The following AGBL1 variants were observed in gnomAD, a reference collection of about 807,000 sequenced individuals.
The protein encoded by AGBL1 is AGBL carboxypeptidase 1, also known as cytosolic carboxypeptidase 4.
A neutral mutation model predicts 118.9 loss-of-function variants in AGBL1; 130 were observed. That is an observed-to-expected ratio of 1.09 (90% CI 0.95 to 1.26). The LOEUF is 1.26. Among genes scored for constraint, AGBL1 ranks in the 50% most tolerant of loss-of-function variants. AGBL1 has a pLI of 0.00. For missense variants in AGBL1, 1,584 were observed against 1,298.1 expected (o/e 1.22, Z -3.38); for synonymous variants, 555 against 478.9 (o/e 1.16, Z -2.08).
chr15:86,837,528 C>T (rs1057363184), intron 22 of AGBL1, among the ~76,000 whole-genome samples: 2 of 152,100 alleles, frequency 1.3e-5, no homozygotes, highest in African/African-American at 4.8e-5. Flanking sequence ...TGAGGAGCTG[C>T]GACAGAGATG....
At chr15:86,816,050 G>C (rs981822460) in intron 22 of AGBL1, among the ~76,000 whole-genome samples, 1 of 152,094 alleles carries the variant, frequency 6.6e-6, no homozygotes, top group Non-Finnish European at 1.5e-5. Context: ...TATGGGATAA[G>C]GACACAGTAA....
intron 5 of AGBL1, among the ~76,000 whole-genome samples, chr15:86,183,259 T>C (rs954099536): frequency 6.6e-6 from 1 of 152,212 alleles, no homozygotes; most frequent in Non-Finnish European, 1.5e-5. Flanking sequence ...TATGAGACTT[T>C]CTAAAGGGTA....
At chr15:86,179,979 T>A (rs2077530586) in intron 5 of AGBL1, among the ~76,000 whole-genome samples, 1 of 152,084 alleles carries the variant, frequency 6.6e-6, no homozygotes, top group Non-Finnish European at 1.5e-5. Context: ...AACTTAGGGA[T>A]AAATCTGCCA....
At chr15:86,886,612 G>A (rs996370471) in intron 22 of AGBL1, among the ~76,000 whole-genome samples, 4 of 152,126 alleles carry the variant, frequency 2.6e-5, no homozygotes, top group Non-Finnish European at 4.4e-5. Context: ...GGGACCATAC[G>A]GTGAATAAAT....
intron 18 of AGBL1, among the ~76,000 whole-genome samples, chr15:86,491,270 C>G (rs181257110): frequency 3.3e-5 from 5 of 151,888 alleles, no homozygotes; most frequent in African/African-American, 1.2e-4. Context: ...CAAGGGTGTG[C>G]GAAACAGCAT....
intron 22 of AGBL1, among the ~76,000 whole-genome samples, chr15:86,844,190 A>G (rs1226358139): frequency 6.6e-6 from 1 of 152,202 alleles, no homozygotes. Flanking sequence ...TGCTGCCGTG[A>G]ACACTCACAT....
intron 22 of AGBL1, among the ~76,000 whole-genome samples, chr15:86,803,253 G>A (rs969501090): frequency 2.0e-5 from 3 of 152,112 alleles, no homozygotes; most frequent in African/African-American, 4.8e-5. Flanking sequence ...TGTGATAGGA[G>A]TGAGTTCTCA....
chr15:86,494,360 T>G (rs1183063285), intron 18 of AGBL1, among the ~76,000 whole-genome samples: 1 of 152,090 alleles, frequency 6.6e-6, no homozygotes, highest in Middle Eastern at 3.2e-3. Flanking sequence ...AAGATTTTTC[T>G]TATAAAGTGT....
intron 5 of AGBL1, among the ~76,000 whole-genome samples, chr15:86,208,507 G>A (rs952160143): frequency 2.0e-5 from 3 of 152,124 alleles, no homozygotes; most frequent in African/African-American, 7.2e-5. Context: ...GCCTGTTATT[G>A]GTCTATTCAG....
intron 3 of AGBL1, among the ~76,000 whole-genome samples, chr15:86,151,610 C>A (rs145827945): frequency 5.9e-5 from 9 of 152,206 alleles, no homozygotes; most frequent in African/African-American, 1.7e-4. Context: ...CTTTGAAAAC[C>A]AGCACAAGAC....
intron 6 of AGBL1, among the ~76,000 whole-genome samples, chr15:86,247,216 A>G (rs903485152): frequency 1.3e-5 from 2 of 152,206 alleles, no homozygotes; most frequent in South Asian, 2.1e-4. Flanking sequence ...TGCTGGCCCA[A>G]GATTTAAACT....
At chr15:86,415,771 A>T (rs182637019) in intron 18 of AGBL1, among the ~76,000 whole-genome samples, 18 of 152,272 alleles carry the variant, frequency 1.2e-4, no homozygotes, top group Non-Finnish European at 2.9e-5. Flanking sequence ...TCCCAATTTC[A>T]TCCAATTAGA....
intron 17 of AGBL1, among the ~76,000 whole-genome samples, chr15:86,322,528 C>T (rs2080119874): frequency 1.3e-5 from 2 of 151,964 alleles, no homozygotes; most frequent in Non-Finnish European, 2.9e-5. Context: ...TAGATTATGT[C>T]TTTGGAGGTT....
intron 21 of AGBL1, among the ~76,000 whole-genome samples, chr15:86,669,079 C>A (rs1173785175): frequency 4.0e-5 from 6 of 151,854 alleles, no homozygotes; most frequent in Admixed American, 3.9e-4. Flanking sequence ...TAACACCAAT[C>A]TACAAAAACA....
intron 18 of AGBL1, among the ~76,000 whole-genome samples, chr15:86,433,473 T>C (rs1567256543): frequency 6.6e-6 from 1 of 152,024 alleles, no homozygotes; most frequent in Non-Finnish European, 1.5e-5. Flanking sequence ...GAATGAAACA[T>C]TGAATGAAAT....
At chr15:86,849,519 T>TTTTTTC (rs201032932) in intron 22 of AGBL1, among the ~76,000 whole-genome samples, 1 of 143,844 alleles carries the variant, frequency 7.0e-6, no homozygotes, top group African/African-American at 2.6e-5. Flanking sequence ...CTTTCTTTCT[T>TTTTTTC]TTTTTTTTTT....
intron 1 of AGBL1, among the ~76,000 whole-genome samples, chr15:86,111,289 T>C (rs1327452056): frequency 3.3e-5 from 5 of 152,254 alleles, no homozygotes; most frequent in African/African-American, 1.2e-4. Context: ...CTAGTTCTGC[T>C]TGGGCAGTAT....
chr15:86,752,566 G>C (rs559190555), intron 22 of AGBL1, among the ~76,000 whole-genome samples: 1 of 152,202 alleles, frequency 6.6e-6, no homozygotes, highest in Non-Finnish European at 1.5e-5. Flanking sequence ...GAATGCAGGA[G>C]CACAGGAACT....
At chr15:86,377,548 C>T (rs2081056748) in intron 17 of AGBL1, among the ~76,000 whole-genome samples, 1 of 152,160 alleles carries the variant, frequency 6.6e-6, no homozygotes, top group Non-Finnish European at 1.5e-5. Context: ...TTCCAAGTCT[C>T]CATTTTTATT....
Sources: allele counts gnomAD v4.1 joint callset (sites outside exome capture counted in the v4.1 genomes callset), GRCh38; gene constraint gnomAD v4.1.1; transcripts MANE v1.5; gene names NCBI Gene and HGNC (gene_info 2026-07-23, HGNC 2026-07-21).